Variants in VTI1A observed in about 807,000 individuals in gnomAD.
VTI1A encodes vesicle transport through interaction with t-SNAREs homolog 1A.
Under a neutral mutation model 34.9 loss-of-function variants are expected in VTI1A, and 22 were observed. The observed-to-expected ratio is 0.63, with a 90% confidence interval of 0.45 to 0.90. The LOEUF (loss-of-function observed/expected upper bound fraction) is 0.90. VTI1A is among the 40% of genes least tolerant of loss of function. The probability of loss-of-function intolerance (pLI) is 0.00; values close to 1 mark genes in which losing one functional copy is unlikely to be tolerated. For missense variants in VTI1A, 268 were observed against 275.6 expected (o/e 0.97, Z 0.20); for synonymous variants, 87 against 97.3 (o/e 0.89, Z 0.62).
At chr10:112,492,593 C>G (rs1404231664) in intron 3 of VTI1A, among the ~76,000 whole-genome samples, 1 of 152,054 alleles carries the variant, frequency 6.6e-6, no homozygotes, top group East Asian at 1.9e-4. Flanking sequence ...TGAGACCATC[C>G]TGGCCAACAT....
chr10:112,608,293 T>C (rs1462684196), intron 5 of VTI1A, among the ~76,000 whole-genome samples: 1 of 152,190 alleles, frequency 6.6e-6, no homozygotes, highest in Admixed American at 6.5e-5. Context: ...TACATATGCA[T>C]ATATATATAG....
intron 7 of VTI1A, among the ~76,000 whole-genome samples, chr10:112,699,774 G>A (rs1206336370): frequency 2.6e-5 from 4 of 151,040 alleles, no homozygotes; most frequent in Non-Finnish European, 4.4e-5. Flanking sequence ...GTTGCAGTAA[G>A]CTGAGATCGC....
intron 3 of VTI1A, among the ~76,000 whole-genome samples, chr10:112,498,105 A>T (rs970392194): frequency 6.6e-6 from 1 of 152,168 alleles, no homozygotes; most frequent in African/African-American, 2.4e-5. Flanking sequence ...ATTATGTCCT[A>T]CATATAAATG....
intron 3 of VTI1A, among the ~76,000 whole-genome samples, chr10:112,506,918 G>A (rs1017287487): frequency 1.4e-5 from 2 of 148,008 alleles, no homozygotes; most frequent in Non-Finnish European, 3.0e-5. Flanking sequence ...TCTTCTTTCT[G>A]TATTTAAAGC....
intron 3 of VTI1A, among the ~76,000 whole-genome samples, chr10:112,520,657 A>G (rs941960447): frequency 7.4e-5 from 11 of 148,738 alleles, no homozygotes; most frequent in East Asian, 2.0e-4. Flanking sequence ...GTATATATAT[A>G]TATATATATA....
At chr10:112,765,835 A>G (rs1356410633) in intron 7 of VTI1A, among the ~76,000 whole-genome samples, 1 of 152,184 alleles carries the variant, frequency 6.6e-6, no homozygotes, top group African/African-American at 2.4e-5. Flanking sequence ...CCTACCCCAG[A>G]GTTTCTGTGT....
At chr10:112,531,061 C>CCA (rs748909123) in intron 4 of VTI1A, among the ~76,000 whole-genome samples, 3,419 of 90,254 alleles carry the variant, frequency 0.038, 68 homozygotes, top group East Asian at 0.1. Context: ...ACGTGACACA[C>CCA]CTCACACACA....
chr10:112,562,522 T>TTGTG (rs369382577), intron 5 of VTI1A, among the ~76,000 whole-genome samples: 1,979 of 150,952 alleles, frequency 0.013, 49 homozygotes, highest in African/African-American at 0.046. Flanking sequence ...AATATTATGT[T>TTGTG]TGTGTGTGTG....
At chr10:112,711,348 T>C (rs1849408369) in intron 7 of VTI1A, among the ~76,000 whole-genome samples, 1 of 152,218 alleles carries the variant, frequency 6.6e-6, no homozygotes, top group South Asian at 2.1e-4. Flanking sequence ...AGAAAAACTT[T>C]CTACTGTTAA....
chr10:112,568,962 C>G (rs558589870), intron 5 of VTI1A, among the ~76,000 whole-genome samples: 11 of 152,090 alleles, frequency 7.2e-5, no homozygotes, highest in Non-Finnish European at 1.5e-4. Context: ...TGAGACCAGC[C>G]TGGCCAACAA....
intron 7 of VTI1A, among the ~76,000 whole-genome samples, chr10:112,784,608 G>A (rs574716448): frequency 8.5e-5 from 13 of 152,288 alleles, no homozygotes; most frequent in South Asian, 4.1e-4. Context: ...TCAACCACAC[G>A]TTTTCCAGAA....
In VTI1A at chr10:112,741,660, A is replaced by T. The variant is rs11818915; in HGVS notation, c.560+72662A>T. Among the ~76,000 whole-genome samples the T allele has an allele frequency of 4.5e-3, 684 of 152,340 alleles. 6 individuals are homozygous for T. Among genetic ancestry groups the T allele is most frequent in the African/African-American group, 0.016 (654 of 41,578 alleles). On this transcript the variant is annotated intron_variant, in intron 7 of 7. Transcript: ENST00000393077. ...AATGAAGATATTTTCAGATAAAAAA[A>T]TTTTTAAGGTATTTGAAGGTGAGTT...
At chr10:112,538,451 AT>A in intron 5 of VTI1A, 121 bp downstream of exon 5, 1 of 876,552 alleles carries the variant, frequency 1.1e-6, no homozygotes, top group Admixed American at 2.2e-5. Flanking sequence ...TGGTTTACAT[AT>A]TGGGGAGACA....
At chr10:112,793,766 C>T (rs1438812459) in intron 7 of VTI1A, among the ~76,000 whole-genome samples, 1 of 152,198 alleles carries the variant, frequency 6.6e-6, no homozygotes, top group African/African-American at 2.4e-5. Context: ...ATAGGAGGCA[C>T]GGCTCTGCTT....
chr10:112,804,722 G>A (rs1853004863), intron 7 of VTI1A, among the ~76,000 whole-genome samples: 1 of 152,106 alleles, frequency 6.6e-6, no homozygotes, highest in Admixed American at 6.6e-5. Context: ...CATAGGGCAG[G>A]GACTCTGTGT....
At chr10:112,660,464 T>G (rs1847406852) in intron 5 of VTI1A, among the ~76,000 whole-genome samples, 1 of 152,170 alleles carries the variant, frequency 6.6e-6, no homozygotes, top group Non-Finnish European at 1.5e-5. Context: ...CATTTTACAT[T>G]TAAGGAAACT....
chr10:112,561,586 G>A (rs1003540870), intron 5 of VTI1A, among the ~76,000 whole-genome samples: 1 of 152,092 alleles, frequency 6.6e-6, no homozygotes, highest in Non-Finnish European at 1.5e-5. Context: ...AGCATCATCA[G>A]TTCATAACAA....
intron 5 of VTI1A, among the ~76,000 whole-genome samples, chr10:112,618,524 T>TAGAGAGAG (rs6144094): frequency 0.011 from 371 of 34,558 alleles, 15 homozygotes; most frequent in Middle Eastern, 0.023. Flanking sequence ...TATATATATA[T>TAGAGAGAG]AGAGAGAGAG....
At chr10:112,600,740 T>G (rs1470514145) in intron 5 of VTI1A, among the ~76,000 whole-genome samples, 1 of 152,242 alleles carries the variant, frequency 6.6e-6, no homozygotes, top group Non-Finnish European at 1.5e-5. Context: ...CCTAAAACAG[T>G]GACTGACAAA....
Sources: allele counts gnomAD v4.1 joint callset (sites outside exome capture counted in the v4.1 genomes callset), GRCh38; gene constraint gnomAD v4.1.1; transcripts MANE v1.5; gene names NCBI Gene and HGNC (gene_info 2026-07-23, HGNC 2026-07-21).